APOC4: variants seen among roughly 807,000 people sequenced by gnomAD.
APOC4 encodes apolipoprotein C-IV.
A neutral mutation model predicts 8.4 loss-of-function variants in APOC4; 10 were observed. That is an observed-to-expected ratio of 1.19 (90% CI 0.74 to 2.03). The LOEUF (loss-of-function observed/expected upper bound fraction) is 2.03. Ranked by LOEUF, APOC4 falls within the 30% of genes most tolerant of loss-of-function variation. The pLI is 0.00. For synonymous variants in APOC4, 59 were observed against 65.8 expected (o/e 0.90, Z 0.50); for missense variants, 160 against 156.1 (o/e 1.02, Z -0.13).
chr19:44,945,365 G>A lies in APOC4; in HGVS notation c.*60G>A. The A allele has an allele frequency of 6.5e-7, 1 of 1,547,858 alleles. No individual in the cohort carries two copies. The highest frequency in any genetic ancestry group is 1.4e-5 in the African/African-American group (1 of 73,540). ...TGCCTGTAGTCCCAGCTACTCAGGA[G>A]GCTGAGGTAGGATGATGGCTTGAGC... On this transcript the variant is annotated 3_prime_UTR_variant, in exon 3 of 3. Transcript: ENST00000592954.
In APOC4 at chr19:44,944,867, C is replaced by T. The variant is rs1970299460; in HGVS notation, c.195C>T (p.Thr65=). 6.2e-7 allele frequency: 1 copy of T among 1,606,986 alleles called. No homozygotes were observed. Among genetic ancestry groups the T allele is most frequent in the Admixed American group, 1.7e-5 (1 of 57,788 alleles). ...KELLETVVNR[T]RDGWQWFWSP... ...TGCTGGAGACAGTGGTGAACAGGAC[C>T]AGAGACGGGTGGCAATGGTTCTGGT... The change falls in exon 2 of 3, where the codon ACC becomes ACT. Residue 65 remains threonine (T), a synonymous_variant. Transcript: ENST00000592954.
intron 1 of APOC4, 109 bp downstream of exon 1, chr19:44,942,462 C>A: frequency 2.0e-6 from 2 of 1,006,686 alleles, no homozygotes; most frequent in Non-Finnish European, 1.4e-6. Context: ...GGAGTGTGTG[C>A]GTTTCATGGC....
chr19:44,943,000 C>A (rs780999048), intron 1 of APOC4, among the ~76,000 whole-genome samples: 9 of 151,826 alleles, frequency 5.9e-5, no homozygotes, highest in African/African-American at 2.2e-4. Context: ...TGGCTCACTG[C>A]AACGTCCGCC....
chr19:44,944,237 G>A (rs921099180), intron 1 of APOC4, among the ~76,000 whole-genome samples: 2 of 152,114 alleles, frequency 1.3e-5, no homozygotes, highest in African/African-American at 4.8e-5. Context: ...CTGACACAAG[G>A]TGAAGAGATG....
chr19:44,943,812 C>T (rs868648777), intron 1 of APOC4, among the ~76,000 whole-genome samples: 1 of 152,152 alleles, frequency 6.6e-6, no homozygotes, highest in Non-Finnish European at 1.5e-5. Flanking sequence ...TTAATTCTCA[C>T]GATAACCCTG....
chr19:44,944,186 T>C (rs904044874), intron 1 of APOC4, among the ~76,000 whole-genome samples: 10 of 151,846 alleles, frequency 6.6e-5, no homozygotes, highest in Non-Finnish European at 1.2e-4. Flanking sequence ...GAGAGGCCAT[T>C]AGAGGGGAAC....
intron 1 of APOC4, among the ~76,000 whole-genome samples, chr19:44,942,623 CTG>C (rs757680310): frequency 1.6e-4 from 25 of 151,838 alleles, no homozygotes; most frequent in Non-Finnish European, 2.8e-4. Context: ...AAGTGCATGT[CTG>C]TGTGCATATG....
rs1423000124 is a variant in APOC4 at position 44,945,427 on chromosome 19, A to C, written c.*122A>C. On this transcript the variant is annotated 3_prime_UTR_variant, in exon 3 of 3. Coordinates refer to ENST00000592954, the MANE Select transcript of APOC4 (RefSeq NM_001646.3). ...AGACCAGCCTGGGCAACACAGCGAG[A>C]TCTCTTGGGGGTAAAACAAAAAGAA... is the stretch of plus-strand genomic sequence containing the variant. 2.5e-5 allele frequency: 24 copies of C among 950,776 alleles called. No individual in the cohort carries two copies. The highest frequency in any genetic ancestry group is 3.7e-5 in the Non-Finnish European group (24 of 640,080). The allele number at this position is 950,776 out of a possible 1,614,324, so 58.9% of individuals were successfully genotyped here. A position where few individuals can be genotyped will look rare whatever the true frequency, so the allele number is the denominator to read the frequency against.
intron 2 of APOC4, 71 bp from the exon 3 acceptor site, chr19:44,945,069 G>T: frequency 6.4e-7 from 1 of 1,563,820 alleles, no homozygotes. Flanking sequence ...TCACAGAGAG[G>T]AGCGGATAAA....
At position 44,944,855 on chromosome 19, in the gene APOC4, G is replaced by A; in HGVS notation, c.183G>A (p.Val61=). 1 of 1,608,454 alleles carries A rather than the reference G, an allele frequency of 6.2e-7. No individual in the cohort carries two copies. The highest frequency in any genetic ancestry group is 8.5e-7 in the Non-Finnish European group (1 of 1,178,106). ...GGATGAAGGAGCTGCTGGAGACAGT[G>A]GTGAACAGGACCAGAGACGGGTGGC... The part of the protein sequence containing the change: ...RGRMKELLET[V]VNRTRDGWQW... Residue 61 remains valine (V), a synonymous_variant, in exon 2 of 3, where the codon GTG becomes GTA. Coordinates refer to ENST00000592954, the MANE Select transcript of APOC4 (RefSeq NM_001646.3).
At chr19:44,943,900 C>CAGCT (rs1231550815) in intron 1 of APOC4, among the ~76,000 whole-genome samples, 5 of 152,182 alleles carry the variant, frequency 3.3e-5, no homozygotes, top group Non-Finnish European at 7.3e-5. Context: ...CCAAGGCACA[C>CAGCT]AGCTAGCTAC....
At chr19:44,942,596 A>G (rs1970271430) in intron 1 of APOC4, among the ~76,000 whole-genome samples, 1 of 148,942 alleles carries the variant, frequency 6.7e-6, no homozygotes, top group Non-Finnish European at 1.5e-5. Context: ...AAGTGGGAGT[A>G]TGCAGTCGTG....
In APOC4 at chr19:44,944,903, T is replaced by C. The variant is rs781191811; in HGVS notation, c.218+13T>C. The C allele has an allele frequency of 1.3e-6, 2 of 1,594,740 alleles. No homozygotes were observed. Among genetic ancestry groups the C allele is most frequent in the Non-Finnish European group, 1.7e-6 (2 of 1,170,906 alleles). ...GGCAATGGTTCTGGTGAGGGTGTGCTGGGCTGGGTGGTGGGAGGGGACTCC... is the reference window on the plus strand; with the variant it reads ...GGCAATGGTTCTGGTGAGGGTGTGCCGGGCTGGGTGGTGGGAGGGGACTCC... On this transcript the variant is annotated intron_variant, in intron 2 of 2. Coordinates refer to ENST00000592954, the MANE Select transcript of APOC4 (RefSeq NM_001646.3).
At position 44,944,607 on chromosome 19, in the gene APOC4, T is replaced by A. The variant is rs1970295392; in HGVS notation, c.77-142T>A. On this transcript the variant is annotated intron_variant, in intron 1 of 2. Transcript: ENST00000592954. Reference sequence around the variant, plus strand: ...GAGGGGTTAGCGGTCAGGGGACACATAAGGGTAAAGGCAGGAGGCAAGAGG... The same window carrying A: ...GAGGGGTTAGCGGTCAGGGGACACAAAAGGGTAAAGGCAGGAGGCAAGAGG... 1.8e-5 allele frequency: 17 copies of A among 930,066 alleles called. No individual in the cohort carries two copies. The South Asian group carries it at 3.3e-4, about 18-fold the overall frequency. The allele number at this position is 930,066 out of a possible 1,614,324, so 57.6% of individuals were successfully genotyped here. A position where few individuals can be genotyped will look rare whatever the true frequency, so the allele number is the denominator to read the frequency against.
chr19:44,945,339 G>A lies in APOC4; in HGVS notation c.*34G>A. On this transcript the variant is annotated 3_prime_UTR_variant, in exon 3 of 3. Coordinates refer to ENST00000592954, the MANE Select transcript of APOC4 (RefSeq NM_001646.3). Reference sequence around the variant, plus strand: ...TAAAAGCCAGGTGTGGTTGTGGCGGGTGCCTGTAGTCCCAGCTACTCAGGA... The same window carrying A: ...TAAAAGCCAGGTGTGGTTGTGGCGGATGCCTGTAGTCCCAGCTACTCAGGA... 3 of 1,592,120 alleles carry A rather than the reference G, an allele frequency of 1.9e-6. No individual in the cohort carries two copies. The highest frequency in any genetic ancestry group is 1.7e-4 in the Middle Eastern group (1 of 6,000).
In APOC4 at chr19:44,944,753, C is replaced by A. The variant is rs1426600720; in HGVS notation, c.81C>A (p.Cys27Ter). ...CVLVLACIGA[C>*]QPEAQEGTLS... ...TTGCCCTCTGGTTCCACCTAGCATG[C>A]CAGCCAGAGGCCCAGGAAGGAACCC... is the stretch of plus-strand genomic sequence containing the variant. The change falls in exon 2 of 3, where the codon TGC becomes TGA. Residue 27 changes from cysteine (C) to a stop codon, truncating the protein, a stop_gained. Transcript: ENST00000592954. LOFTEE classifies it high-confidence loss of function. 1 of 1,610,624 alleles carries A rather than the reference C, an allele frequency of 6.2e-7. No homozygotes were observed. The highest frequency in any genetic ancestry group is 1.3e-5 in the African/African-American group (1 of 74,924).
chr19:44,945,007 C>T, intron 2 of APOC4, 117 bp downstream of exon 2: 1 of 1,522,628 alleles, frequency 6.6e-7, no homozygotes, highest in East Asian at 2.3e-5. Context: ...GGGCTGTGAC[C>T]CCTAGGTCTG....
chr19:44,943,840 C>T (rs5155), intron 1 of APOC4, among the ~76,000 whole-genome samples: 2,152 of 152,316 alleles, frequency 0.014, 49 homozygotes, highest in African/African-American at 0.05. Context: ...TATTATTACC[C>T]CGTTCTACAA....
In APOC4 at chr19:44,945,363, G is replaced by A; in HGVS notation, c.*58G>A. The A allele has an allele frequency of 4.5e-6, 7 of 1,557,622 alleles. No homozygotes were observed. The highest frequency in any genetic ancestry group is 2.4e-5 in the South Asian group (2 of 84,008). On this transcript the variant is annotated 3_prime_UTR_variant, in exon 3 of 3. Transcript: ENST00000592954. ...GGTGCCTGTAGTCCCAGCTACTCAG[G>A]AGGCTGAGGTAGGATGATGGCTTGA... is the stretch of plus-strand genomic sequence containing the variant.
Sources: allele counts gnomAD v4.1 joint callset (sites outside exome capture counted in the v4.1 genomes callset), GRCh38; gene constraint gnomAD v4.1.1; transcripts MANE v1.5; gene names NCBI Gene and HGNC (gene_info 2026-07-23, HGNC 2026-07-21).